Variants in TCEA1 observed in about 807,000 individuals in gnomAD.
The protein encoded by TCEA1 is transcription elongation factor A protein 1.
A neutral mutation model predicts 43.8 loss-of-function variants in TCEA1; 21 were observed. The observed-to-expected ratio is 0.48, with a 90% confidence interval of 0.34 to 0.69. The LOEUF is 0.69. Ranked by LOEUF, TCEA1 falls within the 30% of genes least tolerant of loss-of-function variation. TCEA1 has a pLI of 0.01. For synonymous variants in TCEA1, 104 were observed against 117.5 expected (o/e 0.88, Z 0.75); for missense variants, 250 against 365.1 (o/e 0.68, Z 2.57).
chr8:53,977,522 A>C (rs1193871315), intron 8 of TCEA1, among the ~76,000 whole-genome samples: 1 of 152,228 alleles, frequency 6.6e-6, no homozygotes, highest in Non-Finnish European at 1.5e-5. Context: ...ATTTGTTTTA[A>C]GTAAAGGCCC....
At chr8:53,979,193 C>T (rs1803431028) in intron 7 of TCEA1, 22 bp from the exon 8 acceptor site, 2 of 1,607,962 alleles carry the variant, frequency 1.2e-6, no homozygotes, top group East Asian at 4.5e-5. Context: ...GGGGCAATAC[C>T]ACTCAGTTAT....
chr8:53,998,176 T>C (rs1804126944), intron 3 of TCEA1, among the ~76,000 whole-genome samples: 1 of 152,214 alleles, frequency 6.6e-6, no homozygotes, highest in Non-Finnish European at 1.5e-5. Flanking sequence ...CTCAGAAGGA[T>C]ACATGCCCCC....
At chr8:53,978,432 A>G (rs1212030067) in intron 8 of TCEA1, 2 of 152,220 alleles carry the variant, frequency 1.3e-5, no homozygotes, top group Non-Finnish European at 2.9e-5. Context: ...TGTTCTGAGT[A>G]GCATGAAGAC....
At chr8:54,022,018 C>G (rs1282060088) in intron 1 of TCEA1, 45 bp downstream of exon 1, 2 of 1,548,964 alleles carry the variant, frequency 1.3e-6, no homozygotes, top group Non-Finnish European at 8.7e-7. Flanking sequence ...CGGGCCGGAC[C>G]GCGGCCCGGC....
chr8:53,996,500 T>C (rs1252998471), intron 3 of TCEA1, among the ~76,000 whole-genome samples: 1 of 152,222 alleles, frequency 6.6e-6, no homozygotes, highest in Non-Finnish European at 1.5e-5. Flanking sequence ...TACTCAACAA[T>C]GTGCTACCTA....
chr8:53,993,127 A>AT (rs11306062), intron 4 of TCEA1, among the ~76,000 whole-genome samples: 1,537 of 84,148 alleles, frequency 0.018, 22 homozygotes, highest in Admixed American at 0.053. Flanking sequence ...TACATGGCTA[A>AT]TTTTTTTTTT....
intron 7 of TCEA1, 149 bp from the exon 8 acceptor site, chr8:53,979,320 CT>C (rs2129300669): frequency 2.1e-6 from 2 of 939,670 alleles, no homozygotes; most frequent in African/African-American, 3.3e-5. Flanking sequence ...TCCTCAAAGG[CT>C]TTGTAAGAGT....
At chr8:53,974,458 A>C (rs1030148313) in intron 8 of TCEA1, among the ~76,000 whole-genome samples, 1 of 131,658 alleles carries the variant, frequency 7.6e-6, no homozygotes, top group Non-Finnish European at 1.5e-5. Flanking sequence ...TAAAATGTTT[A>C]TATTTTATGA....
At chr8:53,986,850 T>G in intron 6 of TCEA1, 119 bp downstream of exon 6, 19 of 704,146 alleles carry the variant, frequency 2.7e-5, no homozygotes, top group Non-Finnish European at 4.3e-5. Context: ...TAAAATGGGA[T>G]GAGAGCACCT....
chr8:54,011,969 T>C (rs1804667039), intron 1 of TCEA1, among the ~76,000 whole-genome samples: 1 of 152,198 alleles, frequency 6.6e-6, no homozygotes, highest in African/African-American at 2.4e-5. Context: ...AATCTTAAAA[T>C]TCTATAAATT....
At chr8:53,983,897 C>T (rs1301493853) in intron 7 of TCEA1, among the ~76,000 whole-genome samples, 8 of 152,100 alleles carry the variant, frequency 5.3e-5, no homozygotes, top group African/African-American at 9.7e-5. Context: ...GTTGGGAGTT[C>T]GAGACCAGCC....
rs1290610918 is a variant in TCEA1 at position 53,993,808 on chromosome 8, A to G, written c.233-53T>C. 6 of 1,421,886 alleles carry G rather than the reference A, an allele frequency of 4.2e-6. No homozygotes were observed. In the African/African-American group the frequency reaches 8.5e-5, roughly 20 times the overall value. 88.1% of individuals were successfully genotyped at this position (1,421,886 alleles called of 1,614,324 possible). A position where few individuals can be genotyped will look rare whatever the true frequency, so the allele number is the denominator to read the frequency against. ...CTAGCATTTGTAAAAACTAAAAACT[A>G]AAATACTGCGTTAACAGGCTATTTG... On this transcript the variant is annotated intron_variant, in intron 3 of 9. Transcript: ENST00000521604.
At chr8:53,983,973 G>A (rs1323097438) in intron 7 of TCEA1, among the ~76,000 whole-genome samples, 7 of 152,092 alleles carry the variant, frequency 4.6e-5, no homozygotes, top group Non-Finnish European at 8.8e-5. Flanking sequence ...GGTGGTGCAC[G>A]CCTGTAATCC....
intron 3 of TCEA1, among the ~76,000 whole-genome samples, chr8:53,997,302 G>A (rs116853866): frequency 0.016 from 2,367 of 152,132 alleles, 27 homozygotes; most frequent in Middle Eastern, 0.061. Flanking sequence ...TACAAAGATT[G>A]GTTTGAGCAA....
At chr8:54,007,816 T>C (rs1395520534) in intron 2 of TCEA1, among the ~76,000 whole-genome samples, 1 of 152,190 alleles carries the variant, frequency 6.6e-6, no homozygotes, top group Admixed American at 6.5e-5. Context: ...AAAATAACGA[T>C]ATTCATGTTA....
intron 4 of TCEA1, among the ~76,000 whole-genome samples, chr8:53,988,886 T>C (rs541230179): frequency 6.6e-6 from 1 of 152,028 alleles, no homozygotes; most frequent in East Asian, 1.9e-4. Context: ...CTGGGCAAAA[T>C]GGTGAAACCC....
At position 53,984,528 on chromosome 8, in the gene TCEA1, G is replaced by T; in HGVS notation, c.524-11C>A. ...TTTCTTGATATATAGGTACCAGGCCGTTAAGGAAAAAAGGCAAAATTACAA... is the reference window on the plus strand; with the variant it reads ...TTTCTTGATATATAGGTACCAGGCCTTTAAGGAAAAAAGGCAAAATTACAA... On this transcript the variant is annotated splice_polypyrimidine_tract_variant and intron_variant, in intron 6 of 9. Transcript: ENST00000521604. 6.5e-7 allele frequency: 1 copy of T among 1,534,908 alleles called. No individual in the cohort carries two copies. Among genetic ancestry groups the T allele is most frequent in the Non-Finnish European group, 8.7e-7 (1 of 1,144,996 alleles).
intron 1 of TCEA1, chr8:54,021,836 A>G (rs1030024501): frequency 2.5e-6 from 1 of 395,770 alleles, no homozygotes. Flanking sequence ...ACACGGCACC[A>G]GCGAGCAGGG....
intron 8 of TCEA1, chr8:53,978,723 C>T: frequency 4.1e-6 from 1 of 241,942 alleles, no homozygotes; most frequent in Non-Finnish European, 8.1e-6. Flanking sequence ...AGACTACACT[C>T]ATATTACTTT....
Sources: allele counts gnomAD v4.1 joint callset (sites outside exome capture counted in the v4.1 genomes callset), GRCh38; gene constraint gnomAD v4.1.1; transcripts MANE v1.5; gene names NCBI Gene and HGNC (gene_info 2026-07-23, HGNC 2026-07-21).